MAX: variants seen among roughly 807,000 people sequenced by gnomAD.
MAX encodes the protein protein max.
Under a neutral mutation model 22.3 loss-of-function variants are expected in MAX, and 3 were observed. The ratio of observed to expected loss-of-function variants is 0.13; its 90% CI spans 0.06 to 0.35. MAX has a LOEUF of 0.35. Ranked by LOEUF, MAX falls within the 10% of genes least tolerant of loss-of-function variation. The probability of loss-of-function intolerance (pLI) is 1.00; values close to 1 mark genes in which losing one functional copy is unlikely to be tolerated. For missense variants in MAX, 119 were observed against 209.4 expected, an observed-to-expected ratio of 0.57 and a Z score of 2.66; for synonymous variants, 72 against 77.7, an observed-to-expected ratio of 0.93 and a Z score of 0.39.
rs1240491900 is a variant in MAX, at chr14:65,011,676, G to C, written c.172-5392C>G. 6.6e-6 allele frequency among the ~76,000 whole-genome samples: 1 copy of C among 152,230 alleles called. No homozygotes were observed. The highest frequency in any genetic ancestry group is 1.5e-5 in the Non-Finnish European group (1 of 68,052). The stretch of plus-strand genomic sequence containing the variant: ...GCAGCCTCTGTGCTTTGCCCGGCCT[G>C]TGCAGGTGGCCATGGGCGGCACATT... On this transcript the variant is annotated intron_variant, in intron 3 of 3. Transcript: ENST00000341653. The surrounding 1 kb of genome is among the most constrained non-coding windows in gnomAD (Gnocchi z 4.0).
In MAX at chr14:65,031,141, T is replaced by C. The variant is rs1237187617; in HGVS notation, c.172-24857A>G. Among the ~76,000 whole-genome samples, 1 of 151,726 alleles carries C rather than the reference T, an allele frequency of 6.6e-6. No individual in the cohort carries two copies. The highest frequency in any genetic ancestry group is 1.5e-5 in the Non-Finnish European group (1 of 67,922). ...GATTTTTGAGCAGAATTCAAACCAA[T>C]GATTTTTGTCTTCCCTGTGCCGGGT... On this transcript the variant is annotated intron_variant, in intron 3 of 3. Transcript: ENST00000341653. This position sits in a 1 kb window ranked among gnomAD's most constrained non-coding sequence, Gnocchi z 4.6.
At chr14:65,080,004 A>T (rs4902360) in intron 3 of MAX, among the ~76,000 whole-genome samples, 1 of 152,028 alleles carries the variant, frequency 6.6e-6, no homozygotes, top group Non-Finnish European at 1.5e-5. Context: ...AAGCTTACTT[A>T]CTATCTAGTT....
chr14:65,021,888 C>T (rs557341374), intron 3 of MAX: 20 of 454,906 alleles, frequency 4.4e-5, no homozygotes, highest in Middle Eastern at 3.3e-4. Flanking sequence ...TTAAGTGATC[C>T]GCCCACGTCG....
Position 65,076,110 on chromosome 14 carries a change from G to GT in MAX, c.*365_*366insA. 2 of 1,283,196 alleles carry GT rather than the reference G, an allele frequency of 1.6e-6. No homozygotes were observed. The highest frequency in any genetic ancestry group is 3.9e-5 in the South Asian group (2 of 50,900). 79.5% of individuals were successfully genotyped at this position (1,283,196 alleles called of 1,614,324 possible). A position where few individuals can be genotyped will look rare whatever the true frequency, so the allele number is the denominator to read the frequency against. On this transcript the variant is annotated 3_prime_UTR_variant, in exon 5 of 5. Coordinates refer to ENST00000358664, the MANE Select transcript of MAX (RefSeq NM_002382.5). The surrounding 1 kb of genome is among the most constrained non-coding windows in gnomAD (Gnocchi z 6.6). ...ACCTGGGCAGGGCAGGCGTCCCCCG[G>GT]GCATGTGCCCGGCAGGGCTGGAGGA...
At chr14:65,036,155 G>A (rs2062186552) in intron 3 of MAX, among the ~76,000 whole-genome samples, 1 of 152,040 alleles carries the variant, frequency 6.6e-6, no homozygotes, top group Non-Finnish European at 1.5e-5. Flanking sequence ...TTAGCTTTGT[G>A]CTTGGACAAG....
chr14:65,006,181 T>C (rs781732654), exon 4 of MAX: 1 of 1,591,968 alleles, frequency 6.3e-7, no homozygotes, highest in South Asian at 1.1e-5. Flanking sequence ...TTTGCCACCA[T>C]TTCCTTAAGA....
rs2063283649 is a variant in MAX at position 65,084,745 on chromosome 14, A to G, written c.172-6709T>C. On this transcript the variant is annotated intron_variant, in intron 3 of 4. Transcript: ENST00000358664. This position sits in a 1 kb window ranked among gnomAD's most constrained non-coding sequence, Gnocchi z 4.3. ...GTATGACCTAGCGAAAAAATATATT[A>G]TGTAAAAGCAGCAAGCTATAAATAG... Among the ~76,000 whole-genome samples, 2 of 152,238 alleles carry G rather than the reference A, an allele frequency of 1.3e-5. No homozygotes were observed.
In MAX at chr14:65,075,722, A is replaced by G. The variant is rs2063040728; in HGVS notation, c.*754T>C. ...AACACCCTCCCTGTCCCAACCCCAA[A>G]TGGCCACTCCCTGGTGGCTGCTGCT... On this transcript the variant is annotated 3_prime_UTR_variant, in exon 5 of 5. Transcript: ENST00000358664. This position sits in a 1 kb window ranked among gnomAD's most constrained non-coding sequence, Gnocchi z 4.1. 9.4e-7 allele frequency: 1 copy of G among 1,065,750 alleles called. No individual in the cohort carries two copies. Among genetic ancestry groups the G allele is most frequent in the Middle Eastern group, 4.2e-4 (1 of 2,396 alleles). The allele number at this position is 1,065,750 out of a possible 1,614,324, so 66.0% of individuals were successfully genotyped here.
chr14:65,092,262 G>A (rs1035032323), intron 3 of MAX, among the ~76,000 whole-genome samples: 12 of 152,128 alleles, frequency 7.9e-5, no homozygotes, highest in African/African-American at 1.9e-4. Flanking sequence ...GTAGTGAATC[G>A]TATGTGGGTG....
chr14:65,008,396 T>C (rs1595006912), intron 3 of MAX, among the ~76,000 whole-genome samples: 1 of 152,376 alleles, frequency 6.6e-6, no homozygotes, highest in East Asian at 1.9e-4. Flanking sequence ...GACACTCTGC[T>C]GGGCTCAGGG....
At chr14:65,100,954 T>C (rs2063812943) in intron 2 of MAX, among the ~76,000 whole-genome samples, 1 of 152,254 alleles carries the variant, frequency 6.6e-6, no homozygotes, top group African/African-American at 2.4e-5. Context: ...ATTTTTTAAT[T>C]TTCTTTATAC....
In MAX at chr14:65,044,218, C is replaced by G; in HGVS notation, c.172-37934G>C. 1 of 1,590,316 alleles carries G rather than the reference C, an allele frequency of 6.3e-7. No individual in the cohort carries two copies. Among genetic ancestry groups the G allele is most frequent in the Non-Finnish European group, 8.5e-7 (1 of 1,170,440 alleles). ...GCCAAGAAGCCACAAGATGGGAAAC[C>G]CTCCATCCCACAGATTGACTCCTGG... On this transcript the variant is annotated intron_variant, in intron 3 of 3. Coordinates refer to the MAX transcript ENST00000341653. This position sits in a 1 kb window ranked among gnomAD's most constrained non-coding sequence, Gnocchi z 5.5.
chr14:65,055,115 G>T (rs2139680269), intron 3 of MAX, among the ~76,000 whole-genome samples: 1 of 152,376 alleles, frequency 6.6e-6, no homozygotes, highest in Non-Finnish European at 1.5e-5. Flanking sequence ...TTCAGAGAAT[G>T]AGATCCCCAG....
At position 65,014,970 on chromosome 14, in the gene MAX, C is replaced by G. The variant is rs771499229; in HGVS notation, c.172-8686G>C. ...AATGTATATCTCCTTGGTTCTATACCGAGAAAATAGCAGCCCCTAACCTCC... is the reference window on the plus strand; with the variant it reads ...AATGTATATCTCCTTGGTTCTATACGGAGAAAATAGCAGCCCCTAACCTCC... On this transcript the variant is annotated intron_variant, in intron 3 of 3. Transcript: ENST00000341653. This position sits in a 1 kb window ranked among gnomAD's most constrained non-coding sequence, Gnocchi z 5.1. Among the ~76,000 whole-genome samples, 1 of 152,020 alleles carries G rather than the reference C, an allele frequency of 6.6e-6. No homozygotes were observed. Among genetic ancestry groups the G allele is most frequent in the African/African-American group, 2.4e-5 (1 of 41,406 alleles).
At chr14:65,013,943 C>T (rs899395407) in intron 3 of MAX, among the ~76,000 whole-genome samples, 3 of 152,186 alleles carry the variant, frequency 2.0e-5, no homozygotes, top group African/African-American at 7.2e-5. Context: ...AAGTCATTTG[C>T]TCAAAGGCAC....
chr14:65,018,008 T>C (rs1210018195), intron 3 of MAX, among the ~76,000 whole-genome samples: 1 of 152,136 alleles, frequency 6.6e-6, no homozygotes, highest in Non-Finnish European at 1.5e-5. Flanking sequence ...ATAAGTCATT[T>C]ATGGTGCAGT....
chr14:65,006,111 C>T (rs1423198365), downstream of MAX: 28 of 1,590,362 alleles, frequency 1.8e-5, no homozygotes, highest in Admixed American at 3.5e-5. Flanking sequence ...CTTCTGCTTA[C>T]TGGAACATTA....
intron 3 of MAX, among the ~76,000 whole-genome samples, chr14:65,025,300 A>C (rs966739474): frequency 1.3e-5 from 2 of 152,212 alleles, no homozygotes; most frequent in African/African-American, 4.8e-5. Flanking sequence ...GGAGTGGATA[A>C]CCAGGTGACT....
At chr14:65,071,983 C>T (rs371818286), downstream of MAX, among the ~76,000 whole-genome samples, 28 of 152,314 alleles carry the variant, frequency 1.8e-4, no homozygotes, top group East Asian at 1.7e-3. The surrounding 1 kb of genome is among the most constrained non-coding windows in gnomAD (Gnocchi z 4.2). Context: ...ATGAGTTAGC[C>T]GCTGCCCTAG....
Sources: gnomAD v4.1 joint callset for allele counts (sites outside exome capture counted in the v4.1 genomes callset) on GRCh38, gnomAD v4.1.1 for gene constraint, Gnocchi (gnomAD v3.1) non-coding constraint, MANE v1.5 for transcripts, NCBI Gene and HGNC (gene_info 2026-07-23, HGNC 2026-07-21) for gene names.